TGFB2: variants seen among roughly 807,000 people sequenced by gnomAD.
TGFB2 encodes the protein transforming growth factor beta 2, also known as transforming growth factor beta-2 proprotein.
In TGFB2, 13 loss-of-function variants were observed where a neutral mutation model predicts 42.7. That is an observed-to-expected ratio of 0.30 (90% CI 0.20 to 0.48). The LOEUF is 0.48. Among genes scored for constraint, TGFB2 ranks in the 20% least tolerant of loss-of-function variants. TGFB2 has a pLI of 0.99. For synonymous variants in TGFB2, 193 were observed against 193.6 expected (o/e 1.00, Z 0.03); for missense variants, 390 against 517.5 (o/e 0.75, Z 2.39).
intron 2 of TGFB2, among the ~76,000 whole-genome samples, chr1:218,412,627 C>G (rs751194004): frequency 6.6e-6 from 1 of 152,108 alleles, no homozygotes. Flanking sequence ...CTTAGTAATT[C>G]CCAATTAGCT....
At chr1:218,362,876 A>G (rs1657262102) in intron 1 of TGFB2, among the ~76,000 whole-genome samples, 2 of 152,240 alleles carry the variant, frequency 1.3e-5, no homozygotes, top group South Asian at 4.1e-4. Context: ...GAGTTTTCAC[A>G]TGCGGGTTAG....
At chr1:218,403,652 C>T (rs1035665705) in intron 1 of TGFB2, among the ~76,000 whole-genome samples, 10 of 152,212 alleles carry the variant, frequency 6.6e-5, no homozygotes, top group Admixed American at 4.6e-4. Context: ...TGTCCAGATA[C>T]GTGGGAAAGA....
Position 218,346,586 on chromosome 1 carries a change from A to AAAAC in TGFB2, c.-113_-110dup, listed in dbSNP as rs10482719. 0.3 allele frequency: 273,099 copies of AAAAC among 922,948 alleles called. 46,161 individuals are homozygous for AAAAC. Among genetic ancestry groups the AAAAC allele is most frequent in the African/African-American group, 0.65 (38,107 of 58,818 alleles). 57.2% of individuals were successfully genotyped at this position (922,948 alleles called of 1,614,324 possible). On this transcript the variant is annotated 5_prime_UTR_variant, in exon 1 of 7. Coordinates refer to ENST00000366930, the MANE Select transcript of TGFB2 (RefSeq NM_003238.6). The surrounding 1 kb of genome is among the most constrained non-coding windows in gnomAD (Gnocchi z 4.9). The stretch of plus-strand genomic sequence containing the variant: ...GATTGTTTGCAAAAGTTTCGCATCA[A>AAAAC]AAACAACAACAACAAAAAACCAAAC...
chr1:218,398,760 G>T lies in TGFB2; in HGVS notation c.347-6409G>T, dbSNP rs147387265. ...CTGCCACCACGCCCAGCTAATTTTT[G>T]TATTTTTAGTAGAGACGGGGTTTCA... On this transcript the variant is annotated intron_variant, in intron 1 of 6. Coordinates refer to ENST00000366930, the MANE Select transcript of TGFB2 (RefSeq NM_003238.6). 4.7e-3 allele frequency among the ~76,000 whole-genome samples: 709 copies of T among 151,910 alleles called. 22 individuals carry two copies. The East Asian group carries it at 0.079, about 17-fold the overall frequency.
intron 2 of TGFB2, among the ~76,000 whole-genome samples, chr1:218,431,741 CA>C (rs145206959): frequency 1.7e-4 from 26 of 152,298 alleles, no homozygotes; most frequent in African/African-American, 6.3e-4. Flanking sequence ...TGAATGTTAC[CA>C]GTTTTTAGTC....
intron 2 of TGFB2, among the ~76,000 whole-genome samples, chr1:218,411,684 G>A (rs61823430): frequency 3.0e-4 from 46 of 152,190 alleles, no homozygotes; most frequent in Admixed American, 1.2e-3. Flanking sequence ...GGGCAACATG[G>A]TGAAATACCA....
At chr1:218,434,555 G>T (rs1659911188) in intron 4 of TGFB2, 107 bp downstream of exon 4, 1 of 708,982 alleles carries the variant, frequency 1.4e-6, no homozygotes, top group East Asian at 2.7e-5. Flanking sequence ...GTAAGGCCTG[G>T]GGAGTTTCAT....
intron 5 of TGFB2, 95 bp from the exon 6 acceptor site, chr1:218,437,248 G>A (rs940175800): frequency 8.2e-7 from 1 of 1,213,634 alleles, no homozygotes; most frequent in Non-Finnish European, 1.1e-6. Flanking sequence ...ATAAATGAAT[G>A]AATCATTTTT....
At chr1:218,413,217 A>G (rs1659157241) in intron 2 of TGFB2, among the ~76,000 whole-genome samples, 1 of 152,170 alleles carries the variant, frequency 6.6e-6, no homozygotes, top group South Asian at 2.1e-4. Context: ...ACTAAAAAAT[A>G]CAAAAATTAG....
At position 218,346,986 on chromosome 1, in the gene TGFB2, C is replaced by G. The variant is rs767393318; in HGVS notation, c.285C>G (p.Asp95Glu). The G allele has an allele frequency of 3.1e-6, 5 of 1,613,056 alleles. No homozygotes were observed. The highest frequency in any genetic ancestry group is 4.2e-6 in the Non-Finnish European group (5 of 1,179,508). ...CCGCCTGCGAGCGCGAGAGGAGCGACGAAGAGTACTACGCCAAGGAGGTTT... is the reference window on the plus strand; with the variant it reads ...CCGCCTGCGAGCGCGAGAGGAGCGAGGAAGAGTACTACGCCAAGGAGGTTT... The part of the protein sequence containing the change: ...RAAACERERS[D>E]EEYYAKEVYK... The change falls in exon 1 of 7, where the codon GAC (aspartate) becomes GAG (glutamate). Residue 95 changes from aspartate to glutamate, a missense_variant. Coordinates refer to ENST00000366930, the MANE Select transcript of TGFB2 (RefSeq NM_003238.6). This position sits in a 1 kb window ranked among gnomAD's most constrained non-coding sequence, Gnocchi z 4.9.
chr1:218,415,626 C>G (rs10482777), intron 2 of TGFB2, among the ~76,000 whole-genome samples: 4,390 of 132,162 alleles, frequency 0.033, 99 homozygotes, highest in African/African-American at 0.077. Flanking sequence ...ACCTGGTAGG[C>G]GGAATTTGCA....
At chr1:218,352,929 G>T (rs1185400786) in intron 1 of TGFB2, among the ~76,000 whole-genome samples, 1 of 152,206 alleles carries the variant, frequency 6.6e-6, no homozygotes, top group African/African-American at 2.4e-5. Flanking sequence ...AGTAACACTG[G>T]CCTTCTAGGG....
At chr1:218,374,021 G>A (rs1298445392) in intron 1 of TGFB2, among the ~76,000 whole-genome samples, 1 of 152,220 alleles carries the variant, frequency 6.6e-6, no homozygotes, top group African/African-American at 2.4e-5. Flanking sequence ...AGCTTCTTAT[G>A]TGAATCTATA....
chr1:218,435,696 C>T (rs1431688682), intron 4 of TGFB2, among the ~76,000 whole-genome samples: 3 of 152,234 alleles, frequency 2.0e-5, no homozygotes, highest in Non-Finnish European at 4.4e-5. Context: ...AGGTCAAAGA[C>T]TGCTTCTGTA....
intron 1 of TGFB2, among the ~76,000 whole-genome samples, chr1:218,360,317 G>A (rs1657168399): frequency 6.6e-6 from 1 of 152,196 alleles, no homozygotes; most frequent in Admixed American, 6.5e-5. Context: ...CATTGTTACA[G>A]TTAATTAACT....
chr1:218,389,397 G>T (rs997373341), intron 1 of TGFB2, among the ~76,000 whole-genome samples: 1 of 152,022 alleles, frequency 6.6e-6, no homozygotes, highest in Admixed American at 6.6e-5. Flanking sequence ...AGGCACCCTC[G>T]CCCGATAGAG....
chr1:218,435,759 A>G lies in TGFB2; in HGVS notation c.755-211A>G, dbSNP rs535900936. 7.0e-4 allele frequency among the ~76,000 whole-genome samples: 106 copies of G among 152,346 alleles called. 1 individual carries two copies. Among genetic ancestry groups the G allele is most frequent in the African/African-American group, 2.5e-3 (103 of 41,572 alleles). On this transcript the variant is annotated intron_variant, in intron 4 of 6. Coordinates refer to ENST00000366930, the MANE Select transcript of TGFB2 (RefSeq NM_003238.6). Reference sequence around the variant, plus strand: ...TTTGACACCGAACTGCCTTCTGACAAGAGCCCCATTTAGAAGTGTTAATTG... The same window carrying G: ...TTTGACACCGAACTGCCTTCTGACAGGAGCCCCATTTAGAAGTGTTAATTG...
At chr1:218,401,639 A>G (rs770162443) in intron 1 of TGFB2, among the ~76,000 whole-genome samples, 1 of 152,210 alleles carries the variant, frequency 6.6e-6, no homozygotes, top group Non-Finnish European at 1.5e-5. Context: ...CCACCTGGCA[A>G]TGGAATAGGA....
At chr1:218,425,199 T>C (rs1043619860) in intron 2 of TGFB2, among the ~76,000 whole-genome samples, 8 of 152,014 alleles carry the variant, frequency 5.3e-5, no homozygotes, top group Non-Finnish European at 1.0e-4. Context: ...TTTTTGTTTG[T>C]TTGTTTGTTT....
Sources: gnomAD v4.1 joint callset for allele counts (sites outside exome capture counted in the v4.1 genomes callset) on GRCh38, gnomAD v4.1.1 for gene constraint, Gnocchi (gnomAD v3.1) non-coding constraint, MANE v1.5 for transcripts, NCBI Gene and HGNC (gene_info 2026-07-23, HGNC 2026-07-21) for gene names.